Variants in MYO1F observed in about 807,000 individuals in gnomAD.
The protein encoded by MYO1F is myosin IF, also known as unconventional myosin-If.
A neutral mutation model predicts 146.6 loss-of-function variants in MYO1F; 60 were observed. The observed-to-expected ratio is 0.41, with a 90% confidence interval of 0.33 to 0.51. The LOEUF (loss-of-function observed/expected upper bound fraction) is 0.51. MYO1F is among the 20% of genes least tolerant of loss of function. The probability of loss-of-function intolerance (pLI) is 0.25; values close to 1 mark genes in which losing one functional copy is unlikely to be tolerated. For missense variants in MYO1F, 1,274 were observed against 1,534.3 expected (o/e 0.83, Z 2.83); for synonymous variants, 602 against 602.1 (o/e 1.00, Z 0.00).
intron 1 of MYO1F, among the ~76,000 whole-genome samples, chr19:8,560,259 C>A (rs575539877): frequency 6.6e-6 from 1 of 151,544 alleles, no homozygotes; most frequent in Non-Finnish European, 1.5e-5. Context: ...CTGAGGCGGG[C>A]GGATCATGAG....
At chr19:8,568,083 C>G (rs1381457912) in intron 1 of MYO1F, among the ~76,000 whole-genome samples, 1 of 152,182 alleles carries the variant, frequency 6.6e-6, no homozygotes, top group Admixed American at 6.6e-5. Context: ...CTATCCTGCC[C>G]CAGGCACTAG....
At chr19:8,531,749 G>A (rs940076067) in intron 19 of MYO1F, among the ~76,000 whole-genome samples, 1 of 152,174 alleles carries the variant, frequency 6.6e-6, no homozygotes, top group Non-Finnish European at 1.5e-5. Context: ...CACTATCCAC[G>A]AGGTACACTG....
chr19:8,530,307 G>A lies in MYO1F; in HGVS notation c.2217C>T (p.Phe739=), dbSNP rs1344585847. 1 of 1,614,002 alleles carries A rather than the reference G, an allele frequency of 6.2e-7. No individual in the cohort carries two copies. Among genetic ancestry groups the A allele is most frequent in the Non-Finnish European group, 8.5e-7 (1 of 1,180,036 alleles). The change falls in exon 21 of 28, where the codon TTC becomes TTT. Residue 739 remains phenylalanine, a synonymous_variant. Transcript: ENST00000644032. The surrounding 1 kb of genome is among the most constrained non-coding windows in gnomAD (Gnocchi z 5.8). The part of the protein sequence containing the change: ...ERRRNSINRN[F]VGDYLGLEER... ...CCTCCAGCCCCAGGTAGTCCCCGACGAAGTTCCGATTGATGCTGTTGCGCC... is the reference window on the plus strand; with the variant it reads ...CCTCCAGCCCCAGGTAGTCCCCGACAAAGTTCCGATTGATGCTGTTGCGCC...
Position 8,522,555 on chromosome 19 carries a change from A to C in MYO1F, c.3051-9T>G, listed in dbSNP as rs756291793. Reference sequence around the variant, plus strand: ...TGCGCTTCCTCTGCATGCTGTGGGCACAGGGGGTTTGAGTCACAGCCCCAG... The same window carrying C: ...TGCGCTTCCTCTGCATGCTGTGGGCCCAGGGGGTTTGAGTCACAGCCCCAG... On this transcript the variant is annotated splice_polypyrimidine_tract_variant and intron_variant, in intron 26 of 27. Transcript: ENST00000644032. 6 of 1,610,982 alleles carry C rather than the reference A, an allele frequency of 3.7e-6. No homozygotes were observed. The East Asian group carries it at 1.1e-4, about 30-fold the overall frequency.
intron 6 of MYO1F, among the ~76,000 whole-genome samples, chr19:8,552,572 G>A (rs1489465060): frequency 6.6e-6 from 1 of 152,128 alleles, no homozygotes; most frequent in Middle Eastern, 3.4e-3. Context: ...CAGCCCAAGG[G>A]TATGGAATTT....
chr19:8,521,792 C>T (rs1020846861), intron 27 of MYO1F, among the ~76,000 whole-genome samples, 188 bp from the exon 28 acceptor site: 12 of 152,114 alleles, frequency 7.9e-5, no homozygotes, highest in African/African-American at 2.7e-4. Context: ...CCACTGCATC[C>T]GGCCATTTCT....
At chr19:8,556,855 C>T (rs760490858) in intron 1 of MYO1F, among the ~76,000 whole-genome samples, 10 of 145,154 alleles carry the variant, frequency 6.9e-5, no homozygotes, top group African/African-American at 2.3e-4. Context: ...CCATTGCACT[C>T]CAGCCTTGGC....
Position 8,522,784 on chromosome 19 carries a change from AGGGGG to A in MYO1F, c.2895_2899del (p.Pro966AlafsTer45). ...CCCTCCAGACATGATCTCCAGGGGC[AGGGGG>A]CCCCCTCTGGCAGAGGGGGGCACCC... On this transcript the variant is annotated frameshift_variant, in exon 26 of 28. Transcript: ENST00000644032. LOFTEE classifies it high-confidence loss of function. The A allele has an allele frequency of 6.2e-7, 1 of 1,602,706 alleles. No homozygotes were observed.
At chr19:8,571,003 T>G (rs915321728) in intron 1 of MYO1F, among the ~76,000 whole-genome samples, 14 of 152,196 alleles carry the variant, frequency 9.2e-5, no homozygotes, top group Admixed American at 9.2e-4. Context: ...CTAGCGTTCC[T>G]CACTGTCCCC....
chr19:8,560,504 A>G (rs1974045498), intron 1 of MYO1F, among the ~76,000 whole-genome samples: 1 of 150,870 alleles, frequency 6.6e-6, no homozygotes, highest in South Asian at 2.1e-4. Context: ...GAAAAAAAAA[A>G]AAGAACAGGT....
At chr19:8,564,628 C>T (rs1482262588) in intron 1 of MYO1F, among the ~76,000 whole-genome samples, 2 of 151,698 alleles carry the variant, frequency 1.3e-5, no homozygotes, top group East Asian at 2.0e-4. Context: ...TCTGAGCTCA[C>T]TGGAGACTAA....
Position 8,554,655 on chromosome 19 carries a change from G to A in MYO1F, c.230C>T (p.Ala77Val), listed in dbSNP as rs201191520. Residue 77 changes from alanine to valine, a missense_variant and splice_region_variant, in exon 3 of 28, where the codon GCG becomes GTG. Physicochemically the swap from Ala to Val is moderately conservative, Grantham distance 64. Around this residue, in one of 2 missense-constraint regions of MYO1F, gnomAD observed 900 missense variants for 1,155.1 expected, o/e 0.78. Transcript: ENST00000644032. Reference protein sequence around the residue: ...TDREIDLYQGAAQYENPPHIY... With the variant: ...TDREIDLYQGVAQYENPPHIY... ...CCTCCCACCCAGCCCCAGCCTCACC[G>A]CGCCCTGATAGAGGTCGATCTCACG... is the stretch of plus-strand genomic sequence containing the variant. The A allele has an allele frequency of 1.3e-4, 217 of 1,613,906 alleles. 1 individual carries two copies. Among genetic ancestry groups the A allele is most frequent in the Non-Finnish European group, 1.7e-4 (201 of 1,179,936 alleles).
chr19:8,554,779 A>G, intron 2 of MYO1F, 36 bp from the exon 3 acceptor site: 12 of 1,597,542 alleles, frequency 7.5e-6, no homozygotes, highest in Non-Finnish European at 1.0e-5. Context: ...GTGTCCTGGT[A>G]GGTTTTGTCC....
In MYO1F at chr19:8,525,580, G is replaced by A; in HGVS notation, c.2771-18C>T. On this transcript the variant is annotated intron_variant, in intron 24 of 27. Coordinates refer to ENST00000644032, the MANE Select transcript of MYO1F (RefSeq NM_012335.4). ...CGTAGGCTCTGAAAGAAGAGTGTCA[G>A]GGAGTTGAATGACAGACAGACCACG... 1 of 1,606,124 alleles carries A rather than the reference G, an allele frequency of 6.2e-7. No individual in the cohort carries two copies. The highest frequency in any genetic ancestry group is 8.5e-7 in the Non-Finnish European group (1 of 1,174,538).
intron 16 of MYO1F, 21 bp downstream of exon 16, chr19:8,539,926 C>G: frequency 6.2e-7 from 1 of 1,609,696 alleles, no homozygotes; most frequent in South Asian, 1.1e-5. Flanking sequence ...CCCAGCTCCC[C>G]GTTGTACACC....
chr19:8,524,860 A>G (rs1177780344), intron 25 of MYO1F, among the ~76,000 whole-genome samples: 2 of 152,160 alleles, frequency 1.3e-5, no homozygotes, highest in East Asian at 1.9e-4. Flanking sequence ...AAACGGCCCA[A>G]AGGCCTGGAG....
At position 8,553,162 on chromosome 19, in the gene MYO1F, GCA is replaced by G; in HGVS notation, c.479_480del (p.Val160AlafsTer13). The G allele has an allele frequency of 6.2e-7, 1 of 1,614,148 alleles. No homozygotes were observed. Among genetic ancestry groups the G allele is most frequent in the Non-Finnish European group, 8.5e-7 (1 of 1,180,030 alleles). Reference protein sequence around the residue: ...LLEAFGNAKTVRNNNSSRFGK... With the variant: ...LLEAFGNAKTXRNNNSSRFGK... ...ACAAAGCGGCTGGAATTGTTGTTGC[GCA>G]CAGTCTTGGCGTTGCCGAAGGCCTC... On this transcript the variant is annotated frameshift_variant, in exon 6 of 28. Transcript: ENST00000644032. LOFTEE classifies it high-confidence loss of function.
Position 8,555,694 on chromosome 19 carries a change from T to C in MYO1F, c.106A>G (p.Asn36Asp). Residue 36 changes from asparagine to aspartate, a missense_variant, in exon 2 of 28, where the codon AAC (asparagine) becomes GAC (aspartate). Physicochemically the swap from Asn to Asp is conservative, Grantham distance 23 (BLOSUM62 1). This residue lies in a region of MYO1F where 900 missense variants were observed against 1,155.1 expected (regional missense o/e 0.78). Transcript: ENST00000644032. ...PQITEDAIAA[N>D]LRKRFMDDYI... ...TCGTCCATGAAGCGCTTCCGGAGGTTGGCGGCAATGGCGTCTTCGGTGATC... is the reference window on the plus strand; with the variant it reads ...TCGTCCATGAAGCGCTTCCGGAGGTCGGCGGCAATGGCGTCTTCGGTGATC... 6.2e-7 allele frequency: 1 copy of C among 1,614,166 alleles called. No homozygotes were observed. Among genetic ancestry groups the C allele is most frequent in the Non-Finnish European group, 8.5e-7 (1 of 1,180,038 alleles).
rs1173563430 is a variant in MYO1F at position 8,526,946 on chromosome 19, G to T, written c.2475-11C>A. On this transcript the variant is annotated splice_polypyrimidine_tract_variant and intron_variant, in intron 22 of 27. Coordinates refer to ENST00000644032, the MANE Select transcript of MYO1F (RefSeq NM_012335.4). Reference sequence around the variant, plus strand: ...TCGTCCTGTCGCGTGCTGGGGAGGGGCGGGTGAGAGCGTCAGGTGGGACAC... The same window carrying T: ...TCGTCCTGTCGCGTGCTGGGGAGGGTCGGGTGAGAGCGTCAGGTGGGACAC... 1.2e-6 allele frequency: 2 copies of T among 1,613,476 alleles called. No individual in the cohort carries two copies. Among genetic ancestry groups the T allele is most frequent in the Non-Finnish European group, 1.7e-6 (2 of 1,179,996 alleles).
Sources: gnomAD v4.1 joint callset for allele counts (sites outside exome capture counted in the v4.1 genomes callset) on GRCh38, gnomAD v4.1.1 for gene constraint, gnomAD v4.1.1 regional missense constraint, Gnocchi (gnomAD v3.1) non-coding constraint, MANE v1.5 for transcripts, NCBI Gene and HGNC (gene_info 2026-07-23, HGNC 2026-07-21) for gene names.